The following SLC35F3 variants were observed in gnomAD, a reference collection of about 807,000 sequenced individuals.
SLC35F3 encodes solute carrier family 35 member F3.
Under a neutral mutation model 49.9 loss-of-function variants are expected in SLC35F3, and 25 were observed. The ratio of observed to expected loss-of-function variants is 0.50; its 90% confidence interval spans 0.37 to 0.70. SLC35F3 has a LOEUF of 0.70. Among genes scored for constraint, SLC35F3 ranks in the 30% least tolerant of loss-of-function variants. The pLI is 0.00. For missense variants in SLC35F3, 525 were observed against 639.8 expected (o/e 0.82, Z 1.94); for synonymous variants, 275 against 265.4 (o/e 1.04, Z -0.35).
At chr1:233,966,874 A>G (rs1662913711) in intron 2 of SLC35F3, among the ~76,000 whole-genome samples, 1 of 152,204 alleles carries the variant, frequency 6.6e-6, no homozygotes, top group African/African-American at 2.4e-5. Flanking sequence ...GCAAAGCATC[A>G]GTGCTGGCCC....
intron 2 of SLC35F3, among the ~76,000 whole-genome samples, chr1:234,054,825 T>C (rs375750634): frequency 1.1e-4 from 16 of 152,296 alleles, no homozygotes; most frequent in African/African-American, 3.6e-4. Context: ...GGGGTTTTGG[T>C]GTGGATGTCC....
chr1:234,119,299 A>G (rs867392254), intron 2 of SLC35F3, among the ~76,000 whole-genome samples: 7 of 140,220 alleles, frequency 5.0e-5, no homozygotes, highest in African/African-American at 7.9e-5. Flanking sequence ...ATTCATGGTG[A>G]TTTTTTTTTT....
chr1:234,178,944 T>C (rs1478452895), intron 2 of SLC35F3, among the ~76,000 whole-genome samples: 2 of 152,222 alleles, frequency 1.3e-5, no homozygotes, highest in Admixed American at 6.5e-5. Flanking sequence ...ACTGATCTTA[T>C]ACTATCTCCA....
At chr1:234,309,873 A>T (rs1319317020) in intron 4 of SLC35F3, among the ~76,000 whole-genome samples, 1 of 152,216 alleles carries the variant, frequency 6.6e-6, no homozygotes, top group Non-Finnish European at 1.5e-5. Context: ...GGCCAGCTTC[A>T]CTTCCTTCTA....
chr1:234,229,456 T>G (rs1383538002), intron 2 of SLC35F3, among the ~76,000 whole-genome samples: 1 of 152,244 alleles, frequency 6.6e-6, no homozygotes, highest in Non-Finnish European at 1.5e-5. Context: ...TTACATGATT[T>G]GATGATTTTC....
intron 3 of SLC35F3, among the ~76,000 whole-genome samples, chr1:234,305,563 T>G (rs1220685182): frequency 6.6e-6 from 1 of 152,028 alleles, no homozygotes; most frequent in African/African-American, 2.4e-5. Context: ...TTTTGTGTTT[T>G]TAGTAGAAAT....
At chr1:234,275,762 A>T (rs910201573) in intron 3 of SLC35F3, among the ~76,000 whole-genome samples, 1 of 139,754 alleles carries the variant, frequency 7.2e-6, no homozygotes, top group Non-Finnish European at 1.5e-5. Flanking sequence ...GAAAAAAAAA[A>T]AATATATATA....
At chr1:234,196,847 CAGG>C (rs1043051462) in intron 2 of SLC35F3, among the ~76,000 whole-genome samples, 108 of 152,282 alleles carry the variant, frequency 7.1e-4, no homozygotes, top group African/African-American at 2.6e-3. Context: ...GAGGCTGAGG[CAGG>C]AGAATTGCTT....
At chr1:234,047,935 A>G (rs1580207) in intron 2 of SLC35F3, among the ~76,000 whole-genome samples, 16,181 of 152,136 alleles carry the variant, frequency 0.11, 2,457 homozygotes, top group African/African-American at 0.34. Flanking sequence ...ATAATCATGA[A>G]CAGAATGTTG....
chr1:234,260,878 G>A (rs905504373), intron 3 of SLC35F3, among the ~76,000 whole-genome samples: 17 of 152,182 alleles, frequency 1.1e-4, no homozygotes, highest in African/African-American at 4.1e-4. Flanking sequence ...TCCTGTGTTC[G>A]CCTCCCTCGA....
At chr1:234,274,823 G>T (rs987690324) in intron 3 of SLC35F3, among the ~76,000 whole-genome samples, 1 of 152,144 alleles carries the variant, frequency 6.6e-6, no homozygotes, top group East Asian at 1.9e-4. Context: ...GCATTTCAAG[G>T]ACTCTATTTC....
intron 2 of SLC35F3, among the ~76,000 whole-genome samples, chr1:234,032,949 C>T (rs756602089): frequency 9.9e-5 from 15 of 152,076 alleles, no homozygotes; most frequent in Non-Finnish European, 2.1e-4. Flanking sequence ...ATACTGTTTT[C>T]CATAGTAGTT....
At position 234,150,181 on chromosome 1, in the gene SLC35F3, A is replaced by G. The variant is rs977957007; in HGVS notation, c.284-81236A>G. 3.3e-4 allele frequency among the ~76,000 whole-genome samples: 51 copies of G among 152,268 alleles called. 3 individuals carry two copies. ...AAGGTTCAGCTAATTGTCCGCATTT[A>G]AATTGTGCTCAAATGGAAGCGGTAA... On this transcript the variant is annotated intron_variant, in intron 2 of 7. Transcript: ENST00000366618.
chr1:234,006,741 G>A (rs539234411), intron 2 of SLC35F3, among the ~76,000 whole-genome samples: 2 of 152,314 alleles, frequency 1.3e-5, no homozygotes, highest in East Asian at 3.9e-4. Flanking sequence ...AAGAAGAGAT[G>A]AGAGCTGGGT....
chr1:233,926,180 G>T (rs1662156879), intron 2 of SLC35F3, among the ~76,000 whole-genome samples: 1 of 152,070 alleles, frequency 6.6e-6, no homozygotes, highest in Non-Finnish European at 1.5e-5. Flanking sequence ...ATGTTGGCCT[G>T]CCTTGCTAGA....
chr1:234,050,324 G>A (rs1009827660), intron 2 of SLC35F3, among the ~76,000 whole-genome samples: 1 of 152,090 alleles, frequency 6.6e-6, no homozygotes, highest in Non-Finnish European at 1.5e-5. Context: ...TTCAATGATC[G>A]CCATTCTAAC....
At position 234,081,087 on chromosome 1, in the gene SLC35F3, T is replaced by TTCCTACTGCTATTATTG. The variant is rs1233015333; in HGVS notation, c.284-150330_284-150329insTCCTACTGCTATTATTG. ...CTCATTCCTACTGCCATATATTCAA[T>TTCCTACTGCTATTATTG]AATAGCCTCCCACCTGGTCTTCCTT... On this transcript the variant is annotated intron_variant, in intron 2 of 7. Transcript: ENST00000366618. Among the ~76,000 whole-genome samples, 10 of 152,330 alleles carry TTCCTACTGCTATTATTG rather than the reference T, an allele frequency of 6.6e-5. No homozygotes were observed. In the East Asian group the frequency reaches 1.9e-3, roughly 29 times the overall value.
At chr1:234,087,046 GA>G (rs1045287788) in intron 2 of SLC35F3, among the ~76,000 whole-genome samples, 2 of 152,156 alleles carry the variant, frequency 1.3e-5, no homozygotes, top group African/African-American at 4.8e-5. Flanking sequence ...TGACCTGTTT[GA>G]ACTTCTAGGA....
intron 2 of SLC35F3, among the ~76,000 whole-genome samples, chr1:234,153,009 G>A (rs1666098849): frequency 6.6e-6 from 1 of 151,982 alleles, no homozygotes; most frequent in South Asian, 2.1e-4. Context: ...TATGTATGTT[G>A]GCAACATAAA....
Sources: gnomAD v4.1 joint callset for allele counts (sites outside exome capture counted in the v4.1 genomes callset) on GRCh38, gnomAD v4.1.1 for gene constraint, MANE v1.5 for transcripts, NCBI Gene and HGNC (gene_info 2026-07-23, HGNC 2026-07-21) for gene names.